The following APOB variants were observed in gnomAD, a reference collection of about 807,000 sequenced individuals.
APOB encodes apolipoprotein B, also known as apolipoprotein B-100.
Under a neutral mutation model 314.1 loss-of-function variants are expected in APOB, and 153 were observed. The ratio of observed to expected loss-of-function variants is 0.49; its 90% CI spans 0.43 to 0.56. The LOEUF is 0.56. Ranked by LOEUF, APOB falls within the 20% of genes least tolerant of loss-of-function variation. APOB has a pLI of 0.00. For synonymous variants in APOB, 2,087 were observed against 2,036.4 expected (o/e 1.02, Z -0.67); for missense variants, 5,430 against 5,350.7 (o/e 1.01, Z -0.46).
At chr2:21,038,964 G>T (rs1016949978) in intron 4 of APOB, among the ~76,000 whole-genome samples, 11 of 152,080 alleles carry the variant, frequency 7.2e-5, no homozygotes, top group Non-Finnish European at 4.4e-5. Flanking sequence ...CCATTCCATG[G>T]CTAAATATAA....
At chr2:21,043,480 C>T in intron 2 of APOB, 33 bp downstream of exon 2, 3 of 1,588,016 alleles carry the variant, frequency 1.9e-6, no homozygotes, top group Non-Finnish European at 2.6e-6. Flanking sequence ...CGGGGCTGGG[C>T]GCCCTTCCAC....
At chr2:21,016,220 G>A (rs577434071) in intron 21 of APOB, among the ~76,000 whole-genome samples, 12 of 152,212 alleles carry the variant, frequency 7.9e-5, no homozygotes, top group Admixed American at 2.6e-4. Context: ...CTCGGGAGGC[G>A]GAGGTTGCAG....
At position 21,006,035 on chromosome 2, in the gene APOB, A is replaced by G. The variant is rs759461165; in HGVS notation, c.10833T>C (p.His3611=). ...CTTCCTGGCCAAGGTCAGGGAAATC[A>G]TGGAAGGAACTGGGCTGACTTGCAT... ...QVHASQPSSF[H]DFPDLGQEVA... The change falls in exon 26 of 29, where the codon CAT becomes CAC. Residue 3611 remains histidine, a synonymous_variant. Transcript: ENST00000233242. 6.2e-7 allele frequency: 1 copy of G among 1,614,026 alleles called. No homozygotes were observed. The highest frequency in any genetic ancestry group is 1.1e-5 in the South Asian group (1 of 91,084).
Position 21,001,649 on chromosome 2 carries a change from A to G in APOB, c.*81T>C, listed in dbSNP as rs1215053149. On this transcript the variant is annotated 3_prime_UTR_variant, in exon 29 of 29. Coordinates refer to ENST00000233242, the MANE Select transcript of APOB (RefSeq NM_000384.3). ...GCTGGCTCACTGTATGGTTTTATCA[A>G]TATAGGCAGTTTGAATTTTTTCTGT... 4 of 1,412,204 alleles carry G rather than the reference A, an allele frequency of 2.8e-6. No individual in the cohort carries two copies. The highest frequency in any genetic ancestry group is 1.2e-5 in the South Asian group (1 of 84,972). 87.5% of individuals were successfully genotyped at this position (1,412,204 alleles called of 1,614,324 possible). A position where few individuals can be genotyped will look rare whatever the true frequency, so the allele number is the denominator to read the frequency against.
rs1239804592 is a variant in APOB at position 21,006,120 on chromosome 2, T to A, written c.10748A>T (p.His3583Leu). Residue 3583 changes from histidine to leucine, a missense_variant, in exon 26 of 29, where the codon CAT (histidine) becomes CTT (leucine). His to Leu is a moderately conservative substitution (Grantham distance 99, BLOSUM62 -3). Around this residue, in one of 3 missense-constraint regions of APOB, gnomAD observed 3,281 missense variants for 3,171.0 expected, o/e 1.03. Transcript: ENST00000233242. Reference protein sequence around the residue: ...LEGLFFTNGEHTSKATLELSP... With the variant: ...LEGLFFTNGELTSKATLELSP... Reference sequence around the variant, plus strand: ...GAGTTCCAGGGTGGCTTTGCTTGTATGTTCTCCGTTGGTGAAAAAGAGGCC... The same window carrying A: ...GAGTTCCAGGGTGGCTTTGCTTGTAAGTTCTCCGTTGGTGAAAAAGAGGCC... 6.2e-7 allele frequency: 1 copy of A among 1,614,016 alleles called. No homozygotes were observed. Among genetic ancestry groups the A allele is most frequent in the South Asian group, 1.1e-5 (1 of 91,072 alleles).
chr2:21,019,494 T>C lies in APOB; in HGVS notation c.2999+229A>G, dbSNP rs1663546917. 1.3e-5 allele frequency among the ~76,000 whole-genome samples: 2 copies of C among 152,124 alleles called. 1 individual carries two copies. Among genetic ancestry groups the C allele is most frequent in the Admixed American group, 1.3e-4 (2 of 15,272 alleles). ...AGGCTCAGAAACATGGACACTGAAT[T>C]AGGAGCAAATTGGGATCTGTGCTGT... On this transcript the variant is annotated intron_variant, in intron 19 of 28. Transcript: ENST00000233242.
At position 21,008,198 on chromosome 2, in the gene APOB, G is replaced by C; in HGVS notation, c.8670C>G (p.Phe2890Leu). The C allele has an allele frequency of 6.2e-7, 1 of 1,614,048 alleles. No homozygotes were observed. Among genetic ancestry groups the C allele is most frequent in the Non-Finnish European group, 8.5e-7 (1 of 1,179,954 alleles). Residue 2890 changes from phenylalanine (F) to leucine (L), a missense_variant, in exon 26 of 29, where the codon TTC becomes TTG. Transcript: ENST00000233242. ...CCAGTTTGGGGATGTTCAATTTGTG[G>C]AAGTATTTAGTGTTGCTATCCAGGG... ...QLTLDSNTKY[F>L]HKLNIPKLDF...
At position 21,009,236 on chromosome 2, in the gene APOB, G is replaced by A. The variant is rs1572781945; in HGVS notation, c.7632C>T (p.Ser2544=). ...RYLSLVGQVY[S]TLVTYISDWW... is the part of the protein sequence containing the mutation. Reference sequence around the variant, plus strand: ...AATCAGAAATGTAGGTGACAAGTGTGCTATAAACCTGGCCTACCAGAGACA... The same window carrying A: ...AATCAGAAATGTAGGTGACAAGTGTACTATAAACCTGGCCTACCAGAGACA... Residue 2544 remains serine, a synonymous_variant, in exon 26 of 29, where the codon AGC becomes AGT. Transcript: ENST00000233242. The A allele has an allele frequency of 6.2e-7, 1 of 1,614,072 alleles. No homozygotes were observed. The highest frequency in any genetic ancestry group is 8.5e-7 in the Non-Finnish European group (1 of 1,179,964).
intron 15 of APOB, among the ~76,000 whole-genome samples, chr2:21,025,668 A>C (rs1663713607): frequency 1.3e-5 from 2 of 152,212 alleles, no homozygotes. Flanking sequence ...CTCGGCCTCA[A>C]GTGGGGGTCA....
In APOB at chr2:21,025,031, A is replaced by G. The variant is rs773443386; in HGVS notation, c.2338T>C (p.Leu780=). The stretch of plus-strand genomic sequence containing the variant: ...CTGGCAAAACCAAGCTCCTCTCCCA[A>G]GATGCGGAGGTAGGCTCTGGCTTCC... ...VPEARAYLRI[L]GEELGFASLH... is the part of the protein sequence containing the mutation. Residue 780 remains leucine, a synonymous_variant, in exon 16 of 29, where the codon TTG becomes CTG. Coordinates refer to ENST00000233242, the MANE Select transcript of APOB (RefSeq NM_000384.3). 1.4e-5 allele frequency: 23 copies of G among 1,614,254 alleles called. No homozygotes were observed. The East Asian group carries it at 5.1e-4, about 36-fold the overall frequency.
intron 28 of APOB, among the ~76,000 whole-genome samples, 194 bp downstream of exon 28, chr2:21,004,075 G>A (rs1663063534): frequency 6.6e-6 from 1 of 152,142 alleles, no homozygotes; most frequent in Non-Finnish European, 1.5e-5. Flanking sequence ...TGTCATGTGT[G>A]CATCTAAACA....
chr2:21,037,600 G>A (rs1316447596), intron 5 of APOB, among the ~76,000 whole-genome samples: 1 of 152,120 alleles, frequency 6.6e-6, no homozygotes, highest in Non-Finnish European at 1.5e-5. Flanking sequence ...TCGTAAAAGA[G>A]ACCAGCAACA....
rs570782024 is a variant in APOB, at chr2:21,002,841, A to G, written c.12581T>C (p.Ile4194Thr). 154 of 1,613,024 alleles carry G rather than the reference A, an allele frequency of 9.5e-5. No individual in the cohort carries two copies. In the East Asian group the frequency reaches 2.7e-3, roughly 28 times the overall value. The change falls in exon 29 of 29, where the codon ATT becomes ACT. Residue 4194 changes from isoleucine (I) to threonine (T), a missense_variant. Around this residue, in one of 3 missense-constraint regions of APOB, gnomAD observed 3,281 missense variants for 3,171.0 expected, o/e 1.03. Coordinates refer to ENST00000233242, the MANE Select transcript of APOB (RefSeq NM_000384.3). ...MKVKHLIDSL[I>T]DFLNFPRFQF... ...GAATCTGGGGAAGTTCAGAAAATCA[A>G]TGAGTGAGTCAATCAGATGCTTGAC... is the stretch of plus-strand genomic sequence containing the variant.
rs572653083 is a variant in APOB at position 21,011,094 on chromosome 2, C to T, written c.5774G>A (p.Gly1925Glu). 5 of 1,614,144 alleles carry T rather than the reference C, an allele frequency of 3.1e-6. No individual in the cohort carries two copies. In the South Asian group the frequency reaches 4.4e-5, roughly 14 times the overall value. The change falls in exon 26 of 29, where the codon GGG becomes GAG. Residue 1925 changes from glycine (G) to glutamate (E), a missense_variant. Gly to Glu is a moderately conservative substitution (Grantham distance 98, BLOSUM62 -2). Around this residue, in one of 3 missense-constraint regions of APOB, gnomAD observed 3,281 missense variants for 3,171.0 expected, o/e 1.03. Transcript: ENST00000233242. Reference sequence around the variant, plus strand: ...CAACAGGAATTTGCTATACAGCTGCCCAGTATGTTCTCCCCAGAGAGCGAG... The same window carrying T: ...CAACAGGAATTTGCTATACAGCTGCTCAGTATGTTCTCCCCAGAGAGCGAG... The part of the protein sequence containing the change: ...GKLALWGEHT[G>E]QLYSKFLLKA...
Position 21,001,838 on chromosome 2 carries a change from G to C in APOB, c.13584C>G (p.Tyr4528Ter). The C allele has an allele frequency of 1.9e-6, 3 of 1,614,044 alleles. No homozygotes were observed. Among genetic ancestry groups the C allele is most frequent in the Non-Finnish European group, 2.5e-6 (3 of 1,179,946 alleles). The change falls in exon 29 of 29, where the codon TAC becomes TAG. Residue 4528 changes from tyrosine (Y) to a stop codon, truncating the protein, a stop_gained. Transcript: ENST00000233242. LOFTEE classifies it low-confidence loss of function (END_TRUNC). ...KRLIDLSIQNYHTFLIYITEL... is the reference protein window; with the variant it reads ...KRLIDLSIQN ...CCGTGATGTATATCAGAAATGTGTG[G>C]TAGTTTTGAATGGACAGGTCAATCA...
Position 21,001,690 on chromosome 2 carries a change from A to G in APOB, c.*40T>C. 1 of 1,603,392 alleles carries G rather than the reference A, an allele frequency of 6.2e-7. No individual in the cohort carries two copies. ...TTTTTTCTGTGCTATGTGAAAGTTCAATTGGAAAAGAAGAATAAATGAAGA... is the reference window on the plus strand; with the variant it reads ...TTTTTTCTGTGCTATGTGAAAGTTCGATTGGAAAAGAAGAATAAATGAAGA... On this transcript the variant is annotated 3_prime_UTR_variant, in exon 29 of 29. Coordinates refer to ENST00000233242, the MANE Select transcript of APOB (RefSeq NM_000384.3).
chr2:21,043,996 C>G lies in APOB; in HGVS notation c.-51G>C. On this transcript the variant is annotated 5_prime_UTR_variant, in exon 1 of 29. Coordinates refer to ENST00000233242, the MANE Select transcript of APOB (RefSeq NM_000384.3). ...GGGCTGCGGCCTGGCCTCGGCCTCGCGGCCCTGGCTGGCTGGGCGGGCTCC... is the reference window on the plus strand; with the variant it reads ...GGGCTGCGGCCTGGCCTCGGCCTCGGGGCCCTGGCTGGCTGGGCGGGCTCC... The G allele has an allele frequency of 9.9e-7, 1 of 1,010,578 alleles. No individual in the cohort carries two copies. 62.6% of individuals were successfully genotyped at this position (1,010,578 alleles called of 1,614,324 possible).
At chr2:21,032,721 C>T (rs533299454) in intron 9 of APOB, 140 bp from the exon 10 acceptor site, 2 of 731,640 alleles carry the variant, frequency 2.7e-6, no homozygotes, top group Non-Finnish European at 4.8e-6. Context: ...CAACTTGGAG[C>T]TCAGAACCAT....
At position 21,033,193 on chromosome 2, in the gene APOB, G is replaced by A. The variant is rs1663922039; in HGVS notation, c.1124+106C>T. ...GAACTGATTGACTAATTGATTAACT[G>A]GATTGATATCCAAATGGTCCCTGAG... On this transcript the variant is annotated intron_variant, in intron 9 of 28. Coordinates refer to ENST00000233242, the MANE Select transcript of APOB (RefSeq NM_000384.3). 4.8e-6 allele frequency: 4 copies of A among 834,380 alleles called. No individual in the cohort carries two copies. In the Admixed American group the frequency reaches 7.8e-5, roughly 16 times the overall value. The allele number at this position is 834,380 out of a possible 1,614,324, so 51.7% of individuals were successfully genotyped here. A position where few individuals can be genotyped will look rare whatever the true frequency, so the allele number is the denominator to read the frequency against.
Sources: allele counts gnomAD v4.1 joint callset (sites outside exome capture counted in the v4.1 genomes callset), GRCh38; gene constraint gnomAD v4.1.1; regional missense constraint gnomAD v4.1.1; transcripts MANE v1.5; gene names NCBI Gene and HGNC (gene_info 2026-07-23, HGNC 2026-07-21).